Variants in FAM13C observed in about 807,000 individuals in gnomAD.
FAM13C encodes the protein protein FAM13C.
In FAM13C, 37 loss-of-function variants were observed where a neutral mutation model predicts 73.2. The ratio of observed to expected loss-of-function variants is 0.51; its 90% confidence interval spans 0.39 to 0.67. FAM13C has a LOEUF of 0.67. Among genes scored for constraint, FAM13C ranks in the 30% least tolerant of loss-of-function variants. The probability of loss-of-function intolerance (pLI) is 0.00; values close to 1 mark genes in which losing one functional copy is unlikely to be tolerated. For synonymous variants in FAM13C, 246 were observed against 260.9 expected, an observed-to-expected ratio of 0.94 and a Z score of 0.55; for missense variants, 589 against 715.6, an observed-to-expected ratio of 0.82 and a Z score of 2.02.
At position 59,264,068 on chromosome 10, in the gene FAM13C, C is replaced by A. The variant is rs538115420; in HGVS notation, c.1024+17G>T. ...TGCTTCCTTTGTGAGGAAAAAAGAT[C>A]TTTGGCTGGGATTTACCTTTGAGCT... On this transcript the variant is annotated intron_variant, in intron 9 of 13. Coordinates refer to ENST00000618804, the MANE Select transcript of FAM13C (RefSeq NM_198215.4). The A allele has an allele frequency of 2.5e-6, 4 of 1,610,708 alleles. No homozygotes were observed. The South Asian group carries it at 3.3e-5, about 13-fold the overall frequency.
chr10:59,248,898 C>T (rs1460786720), intron 13 of FAM13C, among the ~76,000 whole-genome samples: 2 of 152,164 alleles, frequency 1.3e-5, no homozygotes, highest in Non-Finnish European at 2.9e-5. Flanking sequence ...AATCCATAGA[C>T]AGCATTCTTC....
At chr10:59,289,176 A>G (rs1184970901) in intron 5 of FAM13C, among the ~76,000 whole-genome samples, 1 of 152,204 alleles carries the variant, frequency 6.6e-6, no homozygotes, top group Non-Finnish European at 1.5e-5. Context: ...GCAGTTCACA[A>G]TAGGGTGCAT....
At chr10:59,304,827 GA>G (rs1329464547) in intron 4 of FAM13C, among the ~76,000 whole-genome samples, 1 of 36,410 alleles carries the variant, frequency 2.7e-5, no homozygotes, top group African/African-American at 8.4e-5. Flanking sequence ...AGGGGAAGGG[GA>G]GGGGGCGGGG....
rs1281664560 is a variant in FAM13C at position 59,264,074 on chromosome 10, C to T, written c.1024+11G>A. On this transcript the variant is annotated intron_variant, in intron 9 of 13. Transcript: ENST00000618804. Reference sequence around the variant, plus strand: ...CTTTGTGAGGAAAAAAGATCTTTGGCTGGGATTTACCTTTGAGCTGTTTAC... The same window carrying T: ...CTTTGTGAGGAAAAAAGATCTTTGGTTGGGATTTACCTTTGAGCTGTTTAC... 6.2e-7 allele frequency: 1 copy of T among 1,611,816 alleles called. No homozygotes were observed.
intron 3 of FAM13C, among the ~76,000 whole-genome samples, chr10:59,351,331 C>A (rs201484817): frequency 0.014 from 1,822 of 133,816 alleles, no homozygotes; most frequent in Non-Finnish European, 0.016. Context: ...GACCCTGTCT[C>A]AAAAAAAAAA....
intron 3 of FAM13C, among the ~76,000 whole-genome samples, chr10:59,333,881 C>T (rs1056687310): frequency 2.6e-5 from 4 of 152,178 alleles, no homozygotes; most frequent in African/African-American, 7.2e-5. Flanking sequence ...CAACAAGGGA[C>T]GTCTCTGCCT....
intron 4 of FAM13C, among the ~76,000 whole-genome samples, chr10:59,313,220 C>A (rs1849142460): frequency 6.6e-6 from 1 of 152,170 alleles, no homozygotes; most frequent in Non-Finnish European, 1.5e-5. Flanking sequence ...TGGTTCTTAT[C>A]CTTCCCAAAG....
intron 6 of FAM13C, chr10:59,270,455 T>C (rs1178655447): frequency 5.5e-6 from 1 of 181,362 alleles, no homozygotes; most frequent in African/African-American, 2.4e-5. Context: ...AAGAAAACAA[T>C]AAAATGGAGC....
chr10:59,362,309 C>G (rs1289303530), intron 1 of FAM13C, 90 bp downstream of exon 1: 2 of 1,533,684 alleles, frequency 1.3e-6, no homozygotes, highest in Admixed American at 2.0e-5. Context: ...CTAAAACGAA[C>G]AGCGGCTGGG....
intron 3 of FAM13C, among the ~76,000 whole-genome samples, chr10:59,348,614 T>C (rs2134234194): frequency 6.6e-6 from 1 of 152,262 alleles, no homozygotes; most frequent in South Asian, 2.1e-4. Flanking sequence ...CCTATTGAGT[T>C]TAATGACCTA....
chr10:59,317,920 G>A (rs1486865700), intron 4 of FAM13C, among the ~76,000 whole-genome samples: 2 of 146,164 alleles, frequency 1.4e-5, no homozygotes, highest in Non-Finnish European at 3.0e-5. Flanking sequence ...ACAGTCCCCA[G>A]AGTGTGATGT....
chr10:59,341,616 A>T (rs1853531580), intron 3 of FAM13C, among the ~76,000 whole-genome samples: 1 of 152,042 alleles, frequency 6.6e-6, no homozygotes, highest in Non-Finnish European at 1.5e-5. Context: ...TTGAACCCGG[A>T]AGGTGGAGGT....
At chr10:59,332,240 A>G (rs552074862) in intron 3 of FAM13C, among the ~76,000 whole-genome samples, 13 of 151,366 alleles carry the variant, frequency 8.6e-5, no homozygotes, top group African/African-American at 2.9e-4. Context: ...TTGTATATAT[A>G]TGTGTGTGTG....
At chr10:59,323,788 C>T (rs1282828793) in intron 4 of FAM13C, among the ~76,000 whole-genome samples, 200 bp downstream of exon 4, 2 of 152,180 alleles carry the variant, frequency 1.3e-5, no homozygotes, top group African/African-American at 2.4e-5. Flanking sequence ...AAATGGAAGA[C>T]AGAGAAAGTA....
chr10:59,332,598 G>A (rs1852146109), intron 3 of FAM13C, among the ~76,000 whole-genome samples: 1 of 152,176 alleles, frequency 6.6e-6, no homozygotes, highest in Admixed American at 6.5e-5. Flanking sequence ...ATTAGTAAAA[G>A]TACACTCAAT....
intron 4 of FAM13C, among the ~76,000 whole-genome samples, chr10:59,321,275 G>A (rs957370345): frequency 2.0e-5 from 3 of 151,974 alleles, no homozygotes; most frequent in African/African-American, 4.8e-5. Flanking sequence ...ATGTGACTAC[G>A]GAAGAATGAT....
intron 4 of FAM13C, among the ~76,000 whole-genome samples, chr10:59,306,734 G>T (rs1848305839): frequency 6.6e-6 from 1 of 152,206 alleles, no homozygotes; most frequent in Non-Finnish European, 1.5e-5. Context: ...AGATAGCCAG[G>T]TATGGCGGTG....
At chr10:59,307,853 C>T (rs539368907) in intron 4 of FAM13C, among the ~76,000 whole-genome samples, 55 of 152,228 alleles carry the variant, frequency 3.6e-4, no homozygotes, top group African/African-American at 1.3e-3. Flanking sequence ...AAGAAAAGGC[C>T]ACTGGACTGA....
chr10:59,304,764 G>GGAAGA (rs1848008678), intron 4 of FAM13C, among the ~76,000 whole-genome samples: 10 of 63,402 alleles, frequency 1.6e-4, no homozygotes, highest in Admixed American at 1.5e-3. Context: ...ATAAAAAGAG[G>GGAAGA]GAAGGGAAGG....
Sources: gnomAD v4.1 joint callset for allele counts (sites outside exome capture counted in the v4.1 genomes callset) on GRCh38, gnomAD v4.1.1 for gene constraint, MANE v1.5 for transcripts, NCBI Gene and HGNC (gene_info 2026-07-23, HGNC 2026-07-21) for gene names.